TDP1: variants seen among roughly 807,000 people sequenced by gnomAD.
TDP1 encodes the protein tyrosyl-DNA phosphodiesterase 1.
Under a neutral mutation model 81.5 loss-of-function variants are expected in TDP1, and 64 were observed. The observed-to-expected ratio is 0.79, with a 90% CI of 0.64 to 0.97. The LOEUF (loss-of-function observed/expected upper bound fraction) is 0.97, where lower values mean the gene tolerates loss of function less well. Among genes scored for constraint, TDP1 ranks in the 50% least tolerant of loss-of-function variants. The probability of loss-of-function intolerance (pLI) is 0.00; values close to 1 mark genes in which losing one functional copy is unlikely to be tolerated. For missense variants in TDP1, 723 were observed against 743.8 expected (o/e 0.97, Z 0.33); for synonymous variants, 256 against 264.3 (o/e 0.97, Z 0.30).
intron 7 of TDP1, among the ~76,000 whole-genome samples, chr14:89,979,968 A>G (rs2140067503): frequency 6.6e-6 from 1 of 152,300 alleles, no homozygotes; most frequent in South Asian, 2.1e-4. Flanking sequence ...CTATGGATAC[A>G]AAAAACCACT....
In TDP1 at chr14:89,999,852, C is replaced by G. The variant is rs73326498; in HGVS notation, c.1541+6369C>G. On this transcript the variant is annotated intron_variant, in intron 14 of 16. Transcript: ENST00000335725. ...TAAGTATTGTTTCTTAATAGACATT[C>G]TTTGTTTCCAGCCTTGCATTAGTTT... Among the ~76,000 whole-genome samples the G allele has an allele frequency of 3.8e-3, 584 of 152,326 alleles. 2 individuals are homozygous for G. Among genetic ancestry groups the G allele is most frequent in the African/African-American group, 0.014 (565 of 41,574 alleles).
chr14:90,032,645 C>T, intron 15 of TDP1: 1 of 712,716 alleles, frequency 1.4e-6, no homozygotes, highest in African/African-American at 1.9e-5. Flanking sequence ...CATTTTTATA[C>T]TTCTGTCACA....
At chr14:89,985,101 T>C in intron 9 of TDP1, 31 bp from the exon 10 acceptor site, 1 of 1,547,942 alleles carries the variant, frequency 6.5e-7, no homozygotes, top group Non-Finnish European at 8.9e-7. Context: ...CATCACTATA[T>C]TTTATAACTT....
chr14:90,034,013 G>A (rs35344698), intron 16 of TDP1, among the ~76,000 whole-genome samples: 8,530 of 152,082 alleles, frequency 0.056, 414 homozygotes, highest in African/African-American at 0.13. Flanking sequence ...GCTGCAGTGA[G>A]CTATGATTGA....
chr14:90,007,129 G>A (rs1027047926), intron 14 of TDP1, among the ~76,000 whole-genome samples: 11 of 151,702 alleles, frequency 7.3e-5, no homozygotes, highest in Non-Finnish European at 1.3e-4. Context: ...TTTTCTTCCC[G>A]GTAGCCCTGT....
intron 14 of TDP1, among the ~76,000 whole-genome samples, chr14:90,001,194 G>A (rs886702151): frequency 6.6e-6 from 1 of 152,178 alleles, no homozygotes; most frequent in Non-Finnish European, 1.5e-5. Context: ...GCTACAGAAG[G>A]TCAGGAATTG....
At chr14:90,042,082 C>T (rs2140359078) in intron 16 of TDP1, among the ~76,000 whole-genome samples, 1 of 152,306 alleles carries the variant, frequency 6.6e-6, no homozygotes, top group Non-Finnish European at 1.5e-5. Context: ...GTGTCCTTTC[C>T]ATTGTACCAT....
chr14:90,010,825 G>C (rs1441078457), intron 14 of TDP1, among the ~76,000 whole-genome samples: 1 of 152,182 alleles, frequency 6.6e-6, no homozygotes, highest in Non-Finnish European at 1.5e-5. Flanking sequence ...AGCAGCAGCA[G>C]GAAACTAATG....
intron 14 of TDP1, among the ~76,000 whole-genome samples, chr14:90,006,252 C>T (rs1897673888): frequency 6.6e-6 from 1 of 152,164 alleles, no homozygotes; most frequent in Non-Finnish European, 1.5e-5. Flanking sequence ...GCATCATAAT[C>T]ATTTTCATTT....
intron 13 of TDP1, among the ~76,000 whole-genome samples, chr14:89,992,715 A>G (rs1057321573): frequency 6.6e-6 from 1 of 152,208 alleles, no homozygotes. Context: ...TTGAATGAAG[A>G]CAGTGATGGT....
chr14:89,998,409 T>TGA (rs1896869988), intron 14 of TDP1, among the ~76,000 whole-genome samples: 2 of 122,330 alleles, frequency 1.6e-5, no homozygotes, highest in African/African-American at 8.3e-5. Context: ...TATATATATA[T>TGA]ATATATATAT....
At chr14:90,010,628 A>G (rs1179446265) in intron 14 of TDP1, among the ~76,000 whole-genome samples, 3 of 152,352 alleles carry the variant, frequency 2.0e-5, no homozygotes, top group African/African-American at 7.2e-5. Context: ...CTGGCCTTGA[A>G]GATGAAGGAA....
intron 14 of TDP1, among the ~76,000 whole-genome samples, chr14:90,002,772 C>A (rs1897292146): frequency 6.6e-6 from 1 of 150,546 alleles, no homozygotes; most frequent in Non-Finnish European, 1.5e-5. Context: ...ACTCAGGAGG[C>A]TGAGGTGGGA....
chr14:89,972,541 C>T (rs1257037659), intron 6 of TDP1, among the ~76,000 whole-genome samples: 1 of 152,164 alleles, frequency 6.6e-6, no homozygotes, highest in Non-Finnish European at 1.5e-5. Flanking sequence ...TAATACTTTG[C>T]AGTTAGCATA....
intron 8 of TDP1, 38 bp downstream of exon 8, chr14:89,980,670 G>T (rs1455770903): frequency 6.7e-7 from 1 of 1,503,254 alleles, no homozygotes; most frequent in Admixed American, 1.7e-5. Flanking sequence ...CAGTGTGTGT[G>T]TTGATAAAGG....
intron 16 of TDP1, among the ~76,000 whole-genome samples, chr14:90,041,823 G>A (rs535273501): frequency 1.3e-5 from 2 of 152,324 alleles, no homozygotes; most frequent in African/African-American, 4.8e-5. Flanking sequence ...GGCAATGTGT[G>A]GTAAAAGTGA....
chr14:89,969,364 G>A (rs1252783568), intron 5 of TDP1, among the ~76,000 whole-genome samples: 1 of 152,198 alleles, frequency 6.6e-6, no homozygotes, highest in Non-Finnish European at 1.5e-5. Flanking sequence ...TAAATGGTAA[G>A]TTTAAGTAAC....
chr14:89,976,963 G>A (rs1894411693), intron 7 of TDP1, among the ~76,000 whole-genome samples: 1 of 152,038 alleles, frequency 6.6e-6, no homozygotes, highest in Admixed American at 6.5e-5. Context: ...AGACCAATCT[G>A]GCCAACATGG....
intron 4 of TDP1, chr14:89,967,135 C>T (rs1450245981): frequency 2.0e-6 from 2 of 984,528 alleles, no homozygotes; most frequent in African/African-American, 1.7e-5. Flanking sequence ...AGATAATTTC[C>T]TGGGAACCTG....
Sources: allele counts gnomAD v4.1 joint callset (sites outside exome capture counted in the v4.1 genomes callset), GRCh38; gene constraint gnomAD v4.1.1; transcripts MANE v1.5; gene names NCBI Gene and HGNC (gene_info 2026-07-23, HGNC 2026-07-21).